PPARGC1A: variants seen among roughly 807,000 people sequenced by gnomAD.
PPARGC1A encodes PPARG coactivator 1 alpha.
In PPARGC1A, 25 loss-of-function variants were observed where a neutral mutation model predicts 88.7. The observed-to-expected ratio is 0.28, with a 90% CI of 0.21 to 0.39. PPARGC1A has a LOEUF of 0.39. Among genes scored for constraint, PPARGC1A ranks in the 10% least tolerant of loss-of-function variants. The probability of loss-of-function intolerance (pLI) is 1.00; values close to 1 mark genes in which losing one functional copy is unlikely to be tolerated. For missense variants in PPARGC1A, 880 were observed against 968.7 expected, an observed-to-expected ratio of 0.91 and a Z score of 1.22; for synonymous variants, 363 against 355.6, an observed-to-expected ratio of 1.02 and a Z score of -0.24.
chr4:23,863,478 C>T (rs868358309), intron 2 of PPARGC1A, among the ~76,000 whole-genome samples: 4 of 152,002 alleles, frequency 2.6e-5, no homozygotes, highest in Non-Finnish European at 5.9e-5. Flanking sequence ...AGTACAATTC[C>T]AAGATCCCAT....
the PPARGC1A span, among the ~76,000 whole-genome samples, chr4:24,199,801 T>C: frequency 6.6e-6 from 1 of 152,162 alleles, no homozygotes; most frequent in African/African-American, 2.4e-5. Flanking sequence ...TGGAAGACAA[T>C]TGATCAATAT....
chr4:24,105,193 G>A, the PPARGC1A span, among the ~76,000 whole-genome samples: 1 of 152,212 alleles, frequency 6.6e-6, no homozygotes, highest in Non-Finnish European at 1.5e-5. Context: ...TGTGGACTTT[G>A]CTTATAGAAT....
chr4:24,400,618 G>GTGT, the PPARGC1A span, among the ~76,000 whole-genome samples: 14 of 152,266 alleles, frequency 9.2e-5, no homozygotes, highest in South Asian at 1.5e-3. Flanking sequence ...CCCCTTCCCT[G>GTGT]TGTTGTAACT....
chr4:23,931,731 C>G, the PPARGC1A span, among the ~76,000 whole-genome samples: 1 of 152,164 alleles, frequency 6.6e-6, no homozygotes, highest in Non-Finnish European at 1.5e-5. Context: ...AGTTACAAGA[C>G]TGCCATGGGG....
chr4:24,023,490 G>A, the PPARGC1A span, among the ~76,000 whole-genome samples: 3 of 152,298 alleles, frequency 2.0e-5, no homozygotes, highest in South Asian at 4.1e-4. Flanking sequence ...GTAGTGTTCA[G>A]GACACTCCTG....
intron 12 of PPARGC1A, among the ~76,000 whole-genome samples, chr4:23,799,684 C>T (rs936908280): frequency 3.9e-5 from 6 of 152,078 alleles, no homozygotes; most frequent in African/African-American, 1.2e-4. Flanking sequence ...CTATTGCTGC[C>T]GGCTAGGCAG....
the PPARGC1A span, among the ~76,000 whole-genome samples, chr4:24,239,706 A>T: frequency 1.3e-5 from 2 of 152,178 alleles, no homozygotes; most frequent in African/African-American, 4.8e-5. Flanking sequence ...GTAGAAAAAA[A>T]AAGTGTATAT....
the PPARGC1A span, among the ~76,000 whole-genome samples, chr4:23,911,239 C>T: frequency 2.0e-5 from 3 of 152,248 alleles, no homozygotes; most frequent in South Asian, 2.1e-4. Flanking sequence ...TTGATATCAA[C>T]CTACCTGTCC....
Position 23,794,733 on chromosome 4 carries a change from A to T in PPARGC1A, c.*1089T>A, listed in dbSNP as rs1211369670. ...ACATAAAATAAAAATACTCCATTTA[A>T]CATCTGTAAATACTTAACTACATCA... On this transcript the variant is annotated 3_prime_UTR_variant, in exon 13 of 13. Coordinates refer to ENST00000264867, the MANE Select transcript of PPARGC1A (RefSeq NM_013261.5). 1 of 152,556 alleles carries T rather than the reference A, an allele frequency of 6.6e-6. No individual in the cohort carries two copies. The highest frequency in any genetic ancestry group is 6.6e-5 in the Admixed American group (1 of 15,258). 9.5% of individuals were successfully genotyped at this position (152,556 alleles called of 1,614,324 possible).
the PPARGC1A span, among the ~76,000 whole-genome samples, chr4:24,287,634 G>GCACACACACACACA: frequency 4.1e-3 from 576 of 142,122 alleles, 3 homozygotes; most frequent in African/African-American, 0.012. Flanking sequence ...AACACCACAT[G>GCACACACACACACA]CACACACACA....
chr4:24,371,144 G>A, the PPARGC1A span, among the ~76,000 whole-genome samples: 1 of 152,240 alleles, frequency 6.6e-6, no homozygotes, highest in East Asian at 1.9e-4. Flanking sequence ...GTATTCCATG[G>A]TGTATATGTG....
intron 7 of PPARGC1A, among the ~76,000 whole-genome samples, chr4:23,818,169 T>G (rs971244663): frequency 4.1e-4 from 62 of 152,288 alleles, no homozygotes; most frequent in African/African-American, 1.5e-3. Context: ...TGCGTGTTGA[T>G]TTTCTGGGGA....
chr4:24,234,938 A>C, the PPARGC1A span, among the ~76,000 whole-genome samples: 12 of 152,230 alleles, frequency 7.9e-5, no homozygotes, highest in Non-Finnish European at 1.5e-4. Context: ...ACTCTAGAGG[A>C]ATAATGGAGA....
At chr4:24,133,189 G>C in the PPARGC1A span, among the ~76,000 whole-genome samples, 3 of 152,098 alleles carry the variant, frequency 2.0e-5, no homozygotes, top group Non-Finnish European at 4.4e-5. Context: ...TTCCCCCCTG[G>C]GGGGTGGTGG....
chr4:23,995,289 T>C, the PPARGC1A span, among the ~76,000 whole-genome samples: 1 of 152,150 alleles, frequency 6.6e-6, no homozygotes, highest in Non-Finnish European at 1.5e-5. Flanking sequence ...CACACATACA[T>C]ATCCCTCACG....
the PPARGC1A span, among the ~76,000 whole-genome samples, chr4:24,459,074 T>C: frequency 1.3e-5 from 2 of 152,280 alleles, no homozygotes; most frequent in Non-Finnish European, 2.9e-5. Flanking sequence ...GAAAAATTAA[T>C]AATATGCTTT....
chr4:24,391,953 G>A, the PPARGC1A span, among the ~76,000 whole-genome samples: 1 of 152,000 alleles, frequency 6.6e-6, no homozygotes, highest in Non-Finnish European at 1.5e-5. Flanking sequence ...CCCTGACAAA[G>A]GATACAGAAG....
the PPARGC1A span, among the ~76,000 whole-genome samples, chr4:24,024,678 T>C: frequency 6.6e-6 from 1 of 152,204 alleles, no homozygotes. Flanking sequence ...TCATAGTATC[T>C]AATGGCAATT....
chr4:24,199,759 C>T, the PPARGC1A span, among the ~76,000 whole-genome samples: 2 of 152,138 alleles, frequency 1.3e-5, no homozygotes, highest in Non-Finnish European at 2.9e-5. Flanking sequence ...CCCTGCACTG[C>T]TGGTTGAGAT....
Sources: allele counts gnomAD v4.1 joint callset (sites outside exome capture counted in the v4.1 genomes callset), GRCh38; gene constraint gnomAD v4.1.1; transcripts MANE v1.5; gene names NCBI Gene and HGNC (gene_info 2026-07-23, HGNC 2026-07-21).